Variants in CHD9 observed in about 807,000 individuals in gnomAD.
The protein encoded by CHD9 is chromodomain helicase DNA binding protein 9, also known as ATP-dependent chromatin remodeler CHD9.
CHD9 carries 77 observed loss-of-function variants against 316.1 expected under a neutral mutation model. That is an observed-to-expected ratio of 0.24 (90% confidence interval 0.20 to 0.29). The LOEUF (loss-of-function observed/expected upper bound fraction) is 0.29, where lower values mean the gene tolerates loss of function less well. Among genes scored for constraint, CHD9 ranks in the 10% least tolerant of loss-of-function variants. The pLI is 1.00. For missense variants in CHD9, 2,763 were observed against 3,438.1 expected, an observed-to-expected ratio of 0.80 and a Z score of 4.91; for synonymous variants, 1,129 against 1,158.3, an observed-to-expected ratio of 0.97 and a Z score of 0.51.
At chr16:53,267,033 CAAT>C (rs1488436041) in intron 20 of CHD9, among the ~76,000 whole-genome samples, 4 of 152,008 alleles carry the variant, frequency 2.6e-5, no homozygotes, top group Non-Finnish European at 5.9e-5. Context: ...TTTATGATTA[CAAT>C]AATGTTATAT....
chr16:53,209,348 T>C (rs1421776536), intron 2 of CHD9, 134 bp from the exon 3 acceptor site: 10 of 638,520 alleles, frequency 1.6e-5, no homozygotes, highest in Non-Finnish European at 2.6e-5. Flanking sequence ...ATGTTTTAAA[T>C]TTGTTTGTAG....
At chr16:53,179,360 T>C (rs1483872546) in intron 2 of CHD9, among the ~76,000 whole-genome samples, 1 of 151,842 alleles carries the variant, frequency 6.6e-6, no homozygotes, top group Non-Finnish European at 1.5e-5. Flanking sequence ...TCAGCTCTCT[T>C]AAAATATCAG....
chr16:53,163,481 A>T (rs956282421), intron 2 of CHD9, among the ~76,000 whole-genome samples: 1 of 152,186 alleles, frequency 6.6e-6, no homozygotes, highest in Non-Finnish European at 1.5e-5. Context: ...AAGTGCTGGG[A>T]TTACAGGCGT....
chr16:53,154,723 G>A (rs1055901119), intron 1 of CHD9, among the ~76,000 whole-genome samples: 1 of 152,208 alleles, frequency 6.6e-6, no homozygotes, highest in African/African-American at 2.4e-5. Context: ...AGGAGGCGGA[G>A]CTCAGGCAGT....
In CHD9 at chr16:53,213,216, T is replaced by A. The variant is rs577033603; in HGVS notation, c.1784+3403T>A. ...AGTAGCATTTAGGATAGATACAGTT[T>A]GAAATGTGTCTGGAGTTTGAAGGAG... On this transcript the variant is annotated intron_variant, in intron 3 of 38. Transcript: ENST00000447540. Among the ~76,000 whole-genome samples the A allele has an allele frequency of 4.6e-5, 7 of 152,196 alleles. No individual in the cohort carries two copies. In the East Asian group the frequency reaches 1.3e-3, roughly 29 times the overall value.
At chr16:53,252,030 T>C (rs2050169091) in intron 17 of CHD9, among the ~76,000 whole-genome samples, 1 of 152,144 alleles carries the variant, frequency 6.6e-6, no homozygotes, top group South Asian at 2.1e-4. Context: ...CCATCATTCT[T>C]CATAGATTTA....
At chr16:53,236,438 C>T (rs1320803091) in intron 11 of CHD9, among the ~76,000 whole-genome samples, 1 of 152,018 alleles carries the variant, frequency 6.6e-6, no homozygotes, top group Non-Finnish European at 1.5e-5. Context: ...CTCATCTAGT[C>T]TTCTTAGAGC....
intron 1 of CHD9, among the ~76,000 whole-genome samples, chr16:53,142,393 C>T (rs1165520147): frequency 2.0e-5 from 3 of 152,152 alleles, no homozygotes; most frequent in South Asian, 2.1e-4. Context: ...TGAGCCACTG[C>T]GCCCATCCCG....
At position 53,210,010 on chromosome 16, in the gene CHD9, A is replaced by G. The variant is rs2046202376; in HGVS notation, c.1784+197A>G. ...TCTCCCAAATTTTATGGTTCTATGA[A>G]TGTAGAATGTAGCTTTTTGTATGTT... On this transcript the variant is annotated intron_variant, in intron 3 of 38. Transcript: ENST00000447540. Among the ~76,000 whole-genome samples the G allele has an allele frequency of 2.0e-5, 3 of 152,296 alleles. No individual in the cohort carries two copies. The East Asian group carries it at 5.8e-4, about 29-fold the overall frequency.
rs549656175 is a variant in CHD9 at position 53,304,510 on chromosome 16, T to G, written c.6504T>G (p.Ser2168=). 3.4e-5 allele frequency: 52 copies of G among 1,549,572 alleles called. No individual in the cohort carries two copies. In the African/African-American group the frequency reaches 7.0e-4, roughly 21 times the overall value. The change falls in exon 31 of 39, where the codon TCT becomes TCG. Residue 2168 remains serine (S), a synonymous_variant. Coordinates refer to ENST00000447540, the MANE Select transcript of CHD9 (RefSeq NM_001308319.2). ...GATCAGGCTCTAGTTCTTCTTCATCTTCATCTTGTTCTTCAGCATCTTCTT... is the reference window on the plus strand; with the variant it reads ...GATCAGGCTCTAGTTCTTCTTCATCGTCATCTTGTTCTTCAGCATCTTCTT... The part of the protein sequence containing the change: ...HSRSGSSSSS[S]SSCSSASSSS...
chr16:53,264,953 G>A (rs8057194), intron 20 of CHD9, among the ~76,000 whole-genome samples: 3,246 of 152,256 alleles, frequency 0.021, 59 homozygotes, highest in Non-Finnish European at 0.036. Flanking sequence ...TTATTTTAAG[G>A]CGTTAAGGAT....
At chr16:53,113,311 A>G (rs1422530378) in intron 1 of CHD9, among the ~76,000 whole-genome samples, 2 of 151,666 alleles carry the variant, frequency 1.3e-5, no homozygotes, top group Non-Finnish European at 2.9e-5. Context: ...ACTACAACTC[A>G]GATATTTCCA....
intron 12 of CHD9, among the ~76,000 whole-genome samples, chr16:53,241,899 ATAGTG>A (rs2049133301): frequency 6.6e-6 from 1 of 152,208 alleles, no homozygotes; most frequent in African/African-American, 2.4e-5. Flanking sequence ...AATCCCTTCA[ATAGTG>A]TCTTGCTCAG....
At chr16:53,294,571 CAGTT>C (rs1436963059) in intron 29 of CHD9, among the ~76,000 whole-genome samples, 2 of 152,150 alleles carry the variant, frequency 1.3e-5, no homozygotes, top group African/African-American at 4.8e-5. Context: ...ATACGGCTAA[CAGTT>C]GGTGCTAGCT....
rs185227421 is a variant in CHD9, at chr16:53,230,684, A to T, written c.2287-735A>T. ...GATATATAAGATTTATATTTGAGAA[A>T]GATTACTCTGGGGACAATGTGAAAA... On this transcript the variant is annotated intron_variant, in intron 8 of 38. Coordinates refer to ENST00000447540, the MANE Select transcript of CHD9 (RefSeq NM_001308319.2). 1.1e-3 allele frequency among the ~76,000 whole-genome samples: 171 copies of T among 152,336 alleles called. 1 individual carries two copies. The highest frequency in any genetic ancestry group is 1.9e-3 in the Non-Finnish European group (127 of 68,032).
intron 2 of CHD9, among the ~76,000 whole-genome samples, chr16:53,204,849 G>A (rs977513495): frequency 6.6e-6 from 1 of 151,892 alleles, no homozygotes; most frequent in Non-Finnish European, 1.5e-5. Flanking sequence ...ATGTTTGTTT[G>A]TTTATTTGTT....
chr16:53,266,088 C>A (rs2051657143), intron 20 of CHD9, among the ~76,000 whole-genome samples: 1 of 150,828 alleles, frequency 6.6e-6, no homozygotes. Context: ...TAAAAAATCA[C>A]CATGAATCAA....
chr16:53,116,232 G>A (rs562167810), intron 1 of CHD9, among the ~76,000 whole-genome samples: 5 of 152,110 alleles, frequency 3.3e-5, no homozygotes, highest in Non-Finnish European at 7.4e-5. Flanking sequence ...GCTAATTTTT[G>A]TATTTTTAGT....
chr16:53,072,945 T>A (rs181212944), intron 1 of CHD9, among the ~76,000 whole-genome samples: 2 of 152,280 alleles, frequency 1.3e-5, no homozygotes, highest in East Asian at 3.9e-4. Context: ...TCCACCCGCC[T>A]CGGTCTCCCA....
Sources: allele counts gnomAD v4.1 joint callset (sites outside exome capture counted in the v4.1 genomes callset), GRCh38; gene constraint gnomAD v4.1.1; transcripts MANE v1.5; gene names NCBI Gene and HGNC (gene_info 2026-07-23, HGNC 2026-07-21).